Variants in CCDC7 observed in about 807,000 individuals in gnomAD.
The protein encoded by CCDC7 is coiled-coil domain-containing protein 7.
A neutral mutation model predicts 196.9 loss-of-function variants in CCDC7; 183 were observed. The ratio of observed to expected loss-of-function variants is 0.93; its 90% confidence interval spans 0.82 to 1.05. The LOEUF (loss-of-function observed/expected upper bound fraction) is 1.05, where lower values mean the gene tolerates loss of function less well. Among genes scored for constraint, CCDC7 ranks in the 50% least tolerant of loss-of-function variants. The pLI is 0.00. For missense variants in CCDC7, 1,540 were observed against 1,482.2 expected (o/e 1.04, Z -0.64); for synonymous variants, 525 against 484.6 (o/e 1.08, Z -1.10).
chr10:32,678,520 T>C (rs1174096976), intron 21 of CCDC7, among the ~76,000 whole-genome samples: 1 of 152,192 alleles, frequency 6.6e-6, no homozygotes, highest in Non-Finnish European at 1.5e-5. Flanking sequence ...GTGTGTCAGC[T>C]ATTGGATCCA....
Position 32,511,754 on chromosome 10 carries a change from C to T in CCDC7, c.873-6191C>T, listed in dbSNP as rs1291974227. Reference sequence around the variant, plus strand: ...TTCACCTGCCGTTATGGCTGACTCACGGCCTTCGACTCCAGCCTCCCGGAA... The same window carrying T: ...TTCACCTGCCGTTATGGCTGACTCATGGCCTTCGACTCCAGCCTCCCGGAA... On this transcript the variant is annotated intron_variant, in intron 9 of 41. Coordinates refer to ENST00000639629, the Ensembl canonical transcript of CCDC7. 7.2e-6 allele frequency: 11 copies of T among 1,524,860 alleles called. No homozygotes were observed. The East Asian group carries it at 2.0e-4, about 28-fold the overall frequency. The allele number at this position is 1,524,860 out of a possible 1,614,324, so 94.5% of individuals were successfully genotyped here. A position where few individuals can be genotyped will look rare whatever the true frequency, so the allele number is the denominator to read the frequency against.
chr10:32,733,739 T>C (rs989216948), intron 28 of CCDC7, among the ~76,000 whole-genome samples: 10 of 152,204 alleles, frequency 6.6e-5, no homozygotes, highest in African/African-American at 2.4e-4. Flanking sequence ...TGCCTTATGG[T>C]AGTTCTGTCA....
In CCDC7 at chr10:32,471,265, CAGTA is replaced by C. The variant is rs764655748; in HGVS notation, c.677+38_677+41del. The C allele has an allele frequency of 1.9e-6, 3 of 1,594,070 alleles. No individual in the cohort carries two copies. In the African/African-American group the frequency reaches 4.1e-5, roughly 22 times the overall value. On this transcript the variant is annotated intron_variant, in intron 6 of 41. Transcript: ENST00000639629. ...ATATAAGAACTAATTGAATTAAAAA[CAGTA>C]AGAAAGGGTATATAATTAGCACTGA...
chr10:32,660,660 C>T (rs1042506096), intron 20 of CCDC7, among the ~76,000 whole-genome samples: 1 of 151,822 alleles, frequency 6.6e-6, no homozygotes, highest in Non-Finnish European at 1.5e-5. Context: ...ATGGCTGGGT[C>T]AAATGGTATT....
intron 24 of CCDC7, among the ~76,000 whole-genome samples, chr10:32,711,182 G>A (rs1314752487): frequency 4.0e-5 from 6 of 151,354 alleles, no homozygotes; most frequent in Non-Finnish European, 7.4e-5. Flanking sequence ...ATATGCATGT[G>A]TGTATATATA....
chr10:32,456,335 G>A lies in CCDC7; in HGVS notation c.456+1G>A. On this transcript the variant is annotated splice_donor_variant, in intron 3 of 41. Transcript: ENST00000639629. LOFTEE classifies it high-confidence loss of function. ...AGAAGCACTTAAAGAAGAACAAAAT[G>A]TATGTATTCTGTATATACTGTCAAG... The A allele has an allele frequency of 6.4e-7, 1 of 1,566,208 alleles. No homozygotes were observed. The highest frequency in any genetic ancestry group is 8.7e-7 in the Non-Finnish European group (1 of 1,147,038).
rs565927992 is a variant in CCDC7 at position 32,655,785 on chromosome 10, G to A, written c.2015-8269G>A. On this transcript the variant is annotated intron_variant, in intron 20 of 41. Transcript: ENST00000639629. ...TGGTCTCAAACTCCTGATCTCAAGT[G>A]AGCCACCTACCTTGGCCTCCCAAAG... is the stretch of plus-strand genomic sequence containing the variant. Among the ~76,000 whole-genome samples the A allele has an allele frequency of 1.1e-4, 17 of 152,294 alleles. No homozygotes were observed. In the South Asian group the frequency reaches 3.5e-3, roughly 32 times the overall value.
At chr10:32,535,777 C>T (rs775324426) in intron 11 of CCDC7, among the ~76,000 whole-genome samples, 3 of 152,136 alleles carry the variant, frequency 2.0e-5, no homozygotes, top group East Asian at 3.8e-4. Flanking sequence ...AAAGATATTA[C>T]GTTAATTACG....
intron 40 of CCDC7, 28 bp from the exon 42 acceptor site, chr10:32,854,372 T>C (rs1011922486): frequency 1.6e-6 from 2 of 1,290,226 alleles, no homozygotes; most frequent in Non-Finnish European, 1.1e-6. Flanking sequence ...TACCACATAA[T>C]TTAATAACAC....
At chr10:32,781,783 A>G (rs763715715) in intron 29 of CCDC7, among the ~76,000 whole-genome samples, 2 of 152,232 alleles carry the variant, frequency 1.3e-5, no homozygotes, top group Non-Finnish European at 2.9e-5. Context: ...TAGTCAAAAT[A>G]GTATTCAAAA....
At chr10:32,562,671 T>G (rs1008378797) in intron 13 of CCDC7, among the ~76,000 whole-genome samples, 1 of 152,058 alleles carries the variant, frequency 6.6e-6, no homozygotes, top group African/African-American at 2.4e-5. Flanking sequence ...GAGCTATCTA[T>G]GACAAACCCA....
At chr10:32,511,810 C>G (rs927268459) in intron 9 of CCDC7, 3 of 1,037,458 alleles carry the variant, frequency 2.9e-6, no homozygotes, top group Non-Finnish European at 4.4e-6. Context: ...GACAATGACG[C>G]GCCAGCTCTG....
In CCDC7 at chr10:32,711,606, C is replaced by T; in HGVS notation, c.2459-14C>T. ...GTTTTTCTAGTAAGGGACTAAATTT[C>T]TCTCTTAACATAGCTCATGATGAAG... On this transcript the variant is annotated splice_polypyrimidine_tract_variant and intron_variant, in intron 24 of 41. Coordinates refer to ENST00000639629, the Ensembl canonical transcript of CCDC7. 2.7e-6 allele frequency: 4 copies of T among 1,502,790 alleles called. No homozygotes were observed. The highest frequency in any genetic ancestry group is 2.4e-5 in the East Asian group (1 of 42,330). The allele number at this position is 1,502,790 out of a possible 1,614,324, so 93.1% of individuals were successfully genotyped here. A position where few individuals can be genotyped will look rare whatever the true frequency, so the allele number is the denominator to read the frequency against.
chr10:32,762,727 A>T (rs1020230898), intron 28 of CCDC7, among the ~76,000 whole-genome samples: 2 of 151,882 alleles, frequency 1.3e-5, no homozygotes, highest in East Asian at 3.8e-4. Flanking sequence ...ATGTCAATTA[A>T]TTTTTCACAA....
intron 24 of CCDC7, among the ~76,000 whole-genome samples, chr10:32,704,375 G>T (rs558437416): frequency 6.6e-6 from 1 of 152,098 alleles, no homozygotes; most frequent in Non-Finnish European, 1.5e-5. Flanking sequence ...TGGAAGTTTT[G>T]TCTTAGAGGA....
At chr10:32,662,786 G>A (rs185778124) in intron 20 of CCDC7, among the ~76,000 whole-genome samples, 12 of 152,274 alleles carry the variant, frequency 7.9e-5, no homozygotes, top group African/African-American at 2.6e-4. Context: ...ACATCATCAA[G>A]TTCAATTGAG....
intron 21 of CCDC7, among the ~76,000 whole-genome samples, chr10:32,676,601 C>CA (rs1425166253): frequency 4.6e-5 from 7 of 151,982 alleles, no homozygotes; most frequent in African/African-American, 1.5e-4. Flanking sequence ...TTTATGCAGC[C>CA]AAAAAACACA....
At chr10:32,752,186 A>G (rs894011880) in intron 28 of CCDC7, among the ~76,000 whole-genome samples, 7 of 152,118 alleles carry the variant, frequency 4.6e-5, no homozygotes, top group African/African-American at 1.7e-4. Flanking sequence ...ACTTAAGTCC[A>G]TGGAATAAGC....
chr10:32,481,325 C>T (rs1204505264), intron 8 of CCDC7, among the ~76,000 whole-genome samples: 3 of 152,096 alleles, frequency 2.0e-5, no homozygotes, highest in East Asian at 1.9e-4. Flanking sequence ...TAAATAAGGA[C>T]TTACTATTGC....
Sources: allele counts gnomAD v4.1 joint callset (sites outside exome capture counted in the v4.1 genomes callset), GRCh38; gene constraint gnomAD v4.1.1; transcripts MANE v1.5; gene names NCBI Gene and HGNC (gene_info 2026-07-23, HGNC 2026-07-21).